RAD51B: variants seen among roughly 807,000 people sequenced by gnomAD.
RAD51B encodes the protein RAD51 paralog B, also known as DNA repair protein RAD51 homolog 2.
RAD51B carries 38 observed loss-of-function variants against 42.2 expected under a neutral mutation model. The ratio of observed to expected loss-of-function variants is 0.90; its 90% confidence interval spans 0.70 to 1.18. The LOEUF is 1.18. Ranked by LOEUF, RAD51B falls within the 50% of genes most tolerant of loss-of-function variation. The pLI, the probability that RAD51B is intolerant of heterozygous loss-of-function variation, is 0.00. For missense variants in RAD51B, 373 were observed against 400.7 expected, an observed-to-expected ratio of 0.93 and a Z score of 0.59; for synonymous variants, 154 against 145.2, an observed-to-expected ratio of 1.06 and a Z score of -0.43.
At chr14:67,910,898 G>A (rs1161339911) in intron 7 of RAD51B, among the ~76,000 whole-genome samples, 3 of 150,660 alleles carry the variant, frequency 2.0e-5, no homozygotes, top group East Asian at 3.9e-4. Context: ...TGCAACCTCC[G>A]CCTCCCAGGT....
At chr14:67,913,381 T>G (rs1459939743) in intron 7 of RAD51B, among the ~76,000 whole-genome samples, 1 of 152,216 alleles carries the variant, frequency 6.6e-6, no homozygotes, top group Non-Finnish European at 1.5e-5. Context: ...AATGTGATCT[T>G]GGGACTGCTG....
rs113554945 is a variant in RAD51B at position 68,581,601 on chromosome 14, A to C, written c.1037-12884A>C. ...ACTGCCCATAGTAATTTGTAGATTC[A>C]ATGCTATCCCCATCCAGCTACCATT... On this transcript the variant is annotated intron_variant, in intron 10 of 10. Transcript: ENST00000487270. Among the ~76,000 whole-genome samples the C allele has an allele frequency of 3.4e-3, 525 of 152,324 alleles. 3 individuals carry two copies. Among genetic ancestry groups the C allele is most frequent in the African/African-American group, 0.012 (486 of 41,576 alleles).
intron 10 of RAD51B, among the ~76,000 whole-genome samples, chr14:68,477,360 C>G (rs1882727143): frequency 6.6e-6 from 1 of 152,196 alleles, no homozygotes; most frequent in Admixed American, 6.5e-5. Context: ...ATAGAGAAAG[C>G]TGAAGAGGGG....
intron 7 of RAD51B, among the ~76,000 whole-genome samples, chr14:68,190,480 T>A (rs2079243481): frequency 6.6e-6 from 1 of 152,184 alleles, no homozygotes; most frequent in Admixed American, 6.5e-5. Flanking sequence ...CAAATGGACA[T>A]CTTTTCCTAC....
chr14:68,627,451 C>A (rs1892112138), intron 10 of RAD51B: 1 of 152,248 alleles, frequency 6.6e-6, no homozygotes, highest in African/African-American at 2.4e-5. Flanking sequence ...ACGAGACCTC[C>A]TTTGAGTCCT....
chr14:68,650,888 AG>A (rs772226196), intron 11 of RAD51B: 19 of 729,658 alleles, frequency 2.6e-5, no homozygotes, highest in South Asian at 2.6e-4. Context: ...CCCTCACAAC[AG>A]GGAAAAGTAA....
chr14:68,477,626 CTT>C lies in RAD51B; in HGVS notation c.1037-9_1037-8del, dbSNP rs528099287. The C allele has an allele frequency of 7.3e-3, 9,830 of 1,338,428 alleles. No homozygotes were observed. The highest frequency in any genetic ancestry group is 0.021 in the Admixed American group (983 of 47,572). The allele number at this position is 1,338,428 out of a possible 1,614,324, so 82.9% of individuals were successfully genotyped here. ...ACAATTTTTTTTTTTCAAACTTTCT[CTT>C]TTTTTTTTTTTTCCTTTAGGCCAAG... On this transcript the variant is annotated intron_variant, in intron 10 of 10. Transcript: ENST00000471583.
chr14:68,130,682 T>A (rs1278105351), intron 7 of RAD51B, among the ~76,000 whole-genome samples: 1 of 152,238 alleles, frequency 6.6e-6, no homozygotes, highest in African/African-American at 2.4e-5. Context: ...CTCTGAGCAT[T>A]ATAAACTTTC....
intron 10 of RAD51B, among the ~76,000 whole-genome samples, chr14:68,592,255 G>GTGTGTC (rs993764945): frequency 8.9e-5 from 8 of 90,280 alleles, no homozygotes; most frequent in African/African-American, 4.8e-4. Flanking sequence ...AGGCAATGAT[G>GTGTGTC]TGTGTGTGTG....
intron 8 of RAD51B, among the ~76,000 whole-genome samples, chr14:68,361,913 C>T (rs560905431): frequency 1.3e-5 from 2 of 152,128 alleles, no homozygotes; most frequent in Admixed American, 6.5e-5. Context: ...TGACCTCAAG[C>T]GATCCTCCCA....
At chr14:68,116,654 T>G (rs1055783857) in intron 7 of RAD51B, among the ~76,000 whole-genome samples, 4 of 152,226 alleles carry the variant, frequency 2.6e-5, no homozygotes, top group African/African-American at 7.2e-5. Flanking sequence ...ATTTCTATAG[T>G]AATTTCGCAG....
At chr14:68,483,058 G>T (rs1883325641), downstream of RAD51B, among the ~76,000 whole-genome samples, 1 of 133,716 alleles carries the variant, frequency 7.5e-6, no homozygotes, top group South Asian at 2.2e-4. Flanking sequence ...AAGAAAGTAA[G>T]AAAGAGAGAG....
At chr14:68,450,426 C>T (rs900608664) in intron 9 of RAD51B, among the ~76,000 whole-genome samples, 23 of 152,168 alleles carry the variant, frequency 1.5e-4, no homozygotes, top group African/African-American at 5.5e-4. Flanking sequence ...GCCCTGTTGA[C>T]CAGGCTGGTC....
intron 7 of RAD51B, among the ~76,000 whole-genome samples, chr14:68,272,500 T>G (rs2139590079): frequency 6.6e-6 from 1 of 150,784 alleles, no homozygotes; most frequent in African/African-American, 2.4e-5. Context: ...ATCCTATACC[T>G]TAGGGCTTTG....
intron 7 of RAD51B, among the ~76,000 whole-genome samples, chr14:68,259,447 A>T (rs1409815769): frequency 6.6e-6 from 1 of 152,136 alleles, no homozygotes; most frequent in Non-Finnish European, 1.5e-5. Flanking sequence ...AACTTAAAGT[A>T]TAATAATAAT....
chr14:68,220,910 A>T (rs938837021), intron 7 of RAD51B, among the ~76,000 whole-genome samples: 3 of 152,190 alleles, frequency 2.0e-5, no homozygotes, highest in African/African-American at 4.8e-5. Flanking sequence ...AGGCAGGCAG[A>T]TCACGAGGTC....
chr14:68,627,267 G>A (rs1566958899), intron 10 of RAD51B: 2 of 152,212 alleles, frequency 1.3e-5, no homozygotes, highest in Admixed American at 1.3e-4. Context: ...GAGACCTGGA[G>A]GTCAAGGTTG....
chr14:68,612,836 A>T (rs897830969), downstream of RAD51B, among the ~76,000 whole-genome samples: 9 of 147,210 alleles, frequency 6.1e-5, no homozygotes, highest in African/African-American at 2.2e-4. Context: ...GAAGGGAGGG[A>T]AGGAAGGAGG....
At chr14:68,055,402 A>G (rs1177951016) in intron 7 of RAD51B, among the ~76,000 whole-genome samples, 1 of 152,196 alleles carries the variant, frequency 6.6e-6, no homozygotes, top group Non-Finnish European at 1.5e-5. Context: ...TTATCTACAA[A>G]TCAGCAAGTA....
Sources: gnomAD v4.1 joint callset for allele counts (sites outside exome capture counted in the v4.1 genomes callset) on GRCh38, gnomAD v4.1.1 for gene constraint, MANE v1.5 for transcripts, NCBI Gene and HGNC (gene_info 2026-07-23, HGNC 2026-07-21) for gene names.